Variants in CAST observed in about 807,000 individuals in gnomAD.
CAST encodes calpastatin.
A neutral mutation model predicts 119.6 loss-of-function variants in CAST; 76 were observed. That is an observed-to-expected ratio of 0.64 (90% CI 0.53 to 0.77). The LOEUF is 0.77. Ranked by LOEUF, CAST falls within the 30% of genes least tolerant of loss-of-function variation. The probability of loss-of-function intolerance (pLI) is 0.00; values close to 1 mark genes in which losing one functional copy is unlikely to be tolerated. For missense variants in CAST, 953 were observed against 946.5 expected (o/e 1.01, Z -0.09); for synonymous variants, 319 against 331.6 (o/e 0.96, Z 0.41).
At chr5:96,491,490 CAAAAAAAAAAAA>C in the CAST span, among the ~76,000 whole-genome samples, 20 of 56,794 alleles carry the variant, frequency 3.5e-4, no homozygotes, top group African/African-American at 8.2e-4. Flanking sequence ...GACTCCATCT[CAAAAAAAAAAAA>C]AAAAAAAAAA....
intron 1 of CAST, among the ~76,000 whole-genome samples, chr5:96,607,677 A>G (rs867481627): frequency 8.8e-6 from 1 of 113,618 alleles, no homozygotes; most frequent in African/African-American, 3.3e-5. Context: ...CAGTTTACTC[A>G]GCTGCTCTTT....
At chr5:96,270,520 G>A in the CAST span, among the ~76,000 whole-genome samples, 1 of 152,164 alleles carries the variant, frequency 6.6e-6, no homozygotes, top group Admixed American at 6.5e-5. Flanking sequence ...GGAATACTAT[G>A]CAGCCATAAA....
At chr5:96,752,261 C>T (rs150906171) in intron 20 of CAST, among the ~76,000 whole-genome samples, 1 of 152,262 alleles carries the variant, frequency 6.6e-6, no homozygotes, top group Non-Finnish European at 1.5e-5. Flanking sequence ...GTTCTTAAGT[C>T]TGCTTCTTCT....
At chr5:96,364,394 T>C in the CAST span, among the ~76,000 whole-genome samples, 1 of 152,222 alleles carries the variant, frequency 6.6e-6, no homozygotes. Context: ...TTGGAATAGT[T>C]TCAGAAGGAA....
the CAST span, among the ~76,000 whole-genome samples, chr5:96,028,745 A>G: frequency 2.6e-3 from 396 of 152,244 alleles, no homozygotes; most frequent in Non-Finnish European, 3.8e-3. Context: ...ATGTTGAGCC[A>G]TTAGGAGAGA....
chr5:96,353,511 G>T, the CAST span, among the ~76,000 whole-genome samples: 1 of 152,204 alleles, frequency 6.6e-6, no homozygotes, highest in Non-Finnish European at 1.5e-5. Flanking sequence ...TTTCAGAAGA[G>T]ATTAGAAGTT....
chr5:95,991,795 C>T, the CAST span, among the ~76,000 whole-genome samples: 5 of 151,854 alleles, frequency 3.3e-5, no homozygotes, highest in East Asian at 1.9e-4. Context: ...TGTGAGCCAC[C>T]GTACCTGGCC....
chr5:96,121,617 T>A, the CAST span, among the ~76,000 whole-genome samples: 1 of 152,182 alleles, frequency 6.6e-6, no homozygotes. Flanking sequence ...ATACAATTGA[T>A]CATCCTAGTC....
intron 1 of CAST, among the ~76,000 whole-genome samples, chr5:96,672,716 A>G (rs1454855206): frequency 6.6e-6 from 1 of 150,540 alleles, no homozygotes; most frequent in Non-Finnish European, 1.5e-5. Flanking sequence ...CAAAAAAAAA[A>G]AAAAAAAAAA....
At chr5:96,374,482 G>A in the CAST span, among the ~76,000 whole-genome samples, 1 of 152,172 alleles carries the variant, frequency 6.6e-6, no homozygotes, top group African/African-American at 2.4e-5. Context: ...CAAGCTCAAG[G>A]TGTGAAAGGT....
At chr5:96,159,737 C>T in the CAST span, among the ~76,000 whole-genome samples, 4 of 151,968 alleles carry the variant, frequency 2.6e-5, no homozygotes, top group South Asian at 8.3e-4. Context: ...CCATTTAGTC[C>T]ACTATTTTAT....
chr5:96,268,641 A>G, the CAST span, among the ~76,000 whole-genome samples: 18 of 152,192 alleles, frequency 1.2e-4, no homozygotes, highest in African/African-American at 4.1e-4. Context: ...GCATAGCTGA[A>G]TGGATAAAGA....
At chr5:96,372,376 A>G in the CAST span, among the ~76,000 whole-genome samples, 2 of 152,030 alleles carry the variant, frequency 1.3e-5, no homozygotes, top group African/African-American at 4.8e-5. Flanking sequence ...ATTTTGCCAG[A>G]CCTTGGCCAG....
At chr5:96,766,009 A>G (rs1196877632) in intron 26 of CAST, 44 bp from the exon 27 acceptor site, 3 of 1,085,674 alleles carry the variant, frequency 2.8e-6, no homozygotes, top group East Asian at 2.4e-5. Context: ...TTCTAAGTGA[A>G]AGAGGAAATG....
the CAST span, among the ~76,000 whole-genome samples, chr5:96,133,508 G>C: frequency 6.6e-6 from 1 of 152,100 alleles, no homozygotes; most frequent in Non-Finnish European, 1.5e-5. Flanking sequence ...GACATGAGAG[G>C]GGTGAAGTAT....
the CAST span, among the ~76,000 whole-genome samples, chr5:96,510,882 T>C: frequency 1.3e-5 from 2 of 152,330 alleles, no homozygotes; most frequent in South Asian, 2.1e-4. Flanking sequence ...ATCTAGAATA[T>C]GAGTGAGGTG....
intron 2 of CAST, among the ~76,000 whole-genome samples, chr5:96,689,304 A>G (rs1027104482): frequency 5.3e-5 from 8 of 152,320 alleles, no homozygotes; most frequent in Admixed American, 2.0e-4. Flanking sequence ...ATGTTATAGT[A>G]TTTTCCTAGG....
At chr5:96,444,573 A>G in the CAST span, among the ~76,000 whole-genome samples, 1 of 152,080 alleles carries the variant, frequency 6.6e-6, no homozygotes, top group Non-Finnish European at 1.5e-5. Context: ...AATTTCTGAA[A>G]ATTTTTTCTC....
the CAST span, among the ~76,000 whole-genome samples, chr5:96,389,249 T>C: frequency 6.6e-6 from 1 of 152,158 alleles, no homozygotes; most frequent in Non-Finnish European, 1.5e-5. Context: ...TTTCTTAGCA[T>C]TTAGGTGCTT....
Sources: allele counts gnomAD v4.1 joint callset (sites outside exome capture counted in the v4.1 genomes callset), GRCh38; gene constraint gnomAD v4.1.1; transcripts MANE v1.5; gene names NCBI Gene and HGNC (gene_info 2026-07-23, HGNC 2026-07-21).